GART: variants seen among roughly 807,000 people sequenced by gnomAD.
GART encodes phosphoribosylglycinamide formyltransferase, phosphoribosylglycinamide synthetase, phosphoribosylaminoimidazole synthetase.
A neutral mutation model predicts 107.2 loss-of-function variants in GART; 43 were observed. The observed-to-expected ratio is 0.40, with a 90% confidence interval of 0.31 to 0.52. GART has a LOEUF of 0.52. GART is among the 20% of genes least tolerant of loss of function. The pLI, the probability that GART is intolerant of heterozygous loss-of-function variation, is 0.52. For synonymous variants in GART, 434 were observed against 427.0 expected, an observed-to-expected ratio of 1.02 and a Z score of -0.20; for missense variants, 1,107 against 1,206.5, an observed-to-expected ratio of 0.92 and a Z score of 1.22.
rs1205884801 is a variant in GART at position 33,533,456 on chromosome 21, TA to T, written c.417-1001del. ...CGAGACTCAAAAAAAAAAAAATAAA[TA>T]AATAAATAAAAATAAAAATAAATAA... On this transcript the variant is annotated intron_variant, in intron 4 of 21. Transcript: ENST00000381815. Among the ~76,000 whole-genome samples, 13 of 145,872 alleles carry T rather than the reference TA, an allele frequency of 8.9e-5. No homozygotes were observed. The East Asian group carries it at 2.2e-3, about 25-fold the overall frequency.
chr21:33,524,587 G>GT (rs2085033641), intron 11 of GART, 182 bp downstream of exon 11: 3 of 1,083,768 alleles, frequency 2.8e-6, no homozygotes, highest in Middle Eastern at 3.4e-4. Context: ...CTATCATGAA[G>GT]TTTTTTCCAT....
intron 12 of GART, 61 bp downstream of exon 12, chr21:33,522,127 C>T: frequency 7.7e-7 from 1 of 1,292,206 alleles, no homozygotes; most frequent in Non-Finnish European, 1.1e-6. Flanking sequence ...AAATATAAAA[C>T]CCAAATCCAT....
In GART at chr21:33,504,281, T is replaced by G; in HGVS notation, c.2876A>C (p.Glu959Ala). 1 of 1,614,182 alleles carries G rather than the reference T, an allele frequency of 6.2e-7. No individual in the cohort carries two copies. The highest frequency in any genetic ancestry group is 1.1e-5 in the South Asian group (1 of 91,082). Residue 959 changes from glutamate to alanine, a missense_variant, in exon 22 of 22, where the codon GAA becomes GCA. Transcript: ENST00000381815. ...ATCACCCCTCTTCACGGGAACAGCT[T>G]CTTGCAAAATAATCTGTCCAGCATC... ...DVDAGQIILQEAVPVKRGDTV... is the reference protein window; with the variant it reads ...DVDAGQIILQAAVPVKRGDTV...
chr21:33,515,403 A>G (rs1237697685), intron 16 of GART, among the ~76,000 whole-genome samples: 1 of 152,180 alleles, frequency 6.6e-6, no homozygotes, highest in Non-Finnish European at 1.5e-5. Flanking sequence ...GCACTTTGGG[A>G]GGCCAAGGCG....
chr21:33,507,781 G>T (rs957608206), intron 18 of GART, among the ~76,000 whole-genome samples: 1 of 152,126 alleles, frequency 6.6e-6, no homozygotes, highest in Non-Finnish European at 1.5e-5. Context: ...GCAGTGAGCC[G>T]AGTCTGCGCC....
At chr21:33,509,645 T>C in intron 18 of GART, 138 bp downstream of exon 18, 3 of 804,078 alleles carry the variant, frequency 3.7e-6, no homozygotes, top group Non-Finnish European at 5.5e-6. Flanking sequence ...CTAAGAATGC[T>C]GAAAAGACAA....
chr21:33,521,631 CAAAAAA>C (rs571421187), intron 12 of GART, among the ~76,000 whole-genome samples: 2 of 54,442 alleles, frequency 3.7e-5, no homozygotes, highest in South Asian at 1.3e-3. Context: ...GACTTTGTCT[CAAAAAA>C]AAAAAAAAAA....
chr21:33,535,855 C>T (rs1403598010), intron 2 of GART, among the ~76,000 whole-genome samples: 3 of 152,032 alleles, frequency 2.0e-5, no homozygotes, highest in Non-Finnish European at 4.4e-5. Context: ...TGATGAAACC[C>T]CGTCTCTACT....
At chr21:33,518,525 A>G (rs1325429697) in intron 14 of GART, 1 of 188,580 alleles carries the variant, frequency 5.3e-6, no homozygotes, top group Non-Finnish European at 1.1e-5. Flanking sequence ...AAAAACTGAA[A>G]AGAGCTGCAG....
intron 3 of GART, 95 bp from the exon 4 acceptor site, chr21:33,534,848 G>T: frequency 1.8e-6 from 2 of 1,086,498 alleles, no homozygotes; most frequent in South Asian, 1.8e-5. Flanking sequence ...TCTACATCTA[G>T]ACAAGGCAGA....
chr21:33,522,395 T>A, intron 11 of GART, 113 bp from the exon 12 acceptor site: 1 of 774,458 alleles, frequency 1.3e-6, no homozygotes, highest in Non-Finnish European at 2.1e-6. Flanking sequence ...CCTAAAGTGC[T>A]TAAATTTTTT....
chr21:33,504,641 G>A lies in GART; in HGVS notation c.2726-114C>T, dbSNP rs376501011. On this transcript the variant is annotated intron_variant, in intron 20 of 21. Transcript: ENST00000381815. ...CAAACAGGAGTTGGATTTCTGGGAT[G>A]GATGTTTTCTTTGCCAAACACAGAA... 9.8e-4 allele frequency: 712 copies of A among 726,582 alleles called. 10 individuals are homozygous for A. In the South Asian group the frequency reaches 0.013, roughly 13 times the overall value. The allele number at this position is 726,582 out of a possible 1,614,324, so 45.0% of individuals were successfully genotyped here.
At chr21:33,519,313 GGAGGCC>G (rs1054433894) in intron 14 of GART, among the ~76,000 whole-genome samples, 30 of 152,242 alleles carry the variant, frequency 2.0e-4, no homozygotes, top group African/African-American at 6.3e-4. Flanking sequence ...CAGCACTTTG[GGAGGCC>G]GAGGCAGGCA....
rs771308370 is a variant in GART at position 33,524,828 on chromosome 21, C to T, written c.1239G>A (p.Glu413=). The T allele has an allele frequency of 5.4e-5, 87 of 1,614,100 alleles. No individual in the cohort carries two copies. The highest frequency in any genetic ancestry group is 6.9e-5 in the Non-Finnish European group (82 of 1,180,042). The change falls in exon 11 of 22, where the codon GAG becomes GAA. Residue 413 remains glutamate (E), a synonymous_variant. Transcript: ENST00000381815. ...AKKGLAAIKF[E]GAIYRKDVGF... ...CGACGTCTTTCCTATAAATTGCTCC[C>T]TCAAACTTTATAGCAGCTAGTCCTT...
intron 10 of GART, among the ~76,000 whole-genome samples, chr21:33,525,869 CTTT>C (rs35893472): frequency 3.0e-5 from 4 of 135,006 alleles, no homozygotes; most frequent in Admixed American, 7.5e-5. Flanking sequence ...AGGGAACTTC[CTTT>C]TTTTTTTTTT....
chr21:33,529,095 T>C (rs2085133114), intron 7 of GART, among the ~76,000 whole-genome samples, 158 bp from the exon 8 acceptor site: 1 of 152,202 alleles, frequency 6.6e-6, no homozygotes, highest in African/African-American at 2.4e-5. Context: ...ACTTTCTCAA[T>C]CCTCACAATG....
chr21:33,525,084 C>CCT, intron 10 of GART, 84 bp from the exon 11 acceptor site: 1 of 1,364,300 alleles, frequency 7.3e-7, no homozygotes. Context: ...CCACAAGTTT[C>CCT]TTTTTTTTTT....
Position 33,520,390 on chromosome 21 carries a change from C to A in GART, c.1676G>T (p.Cys559Phe). ...EAVVAGIAKA[C>F]GKAGCALLGG... is the part of the protein sequence containing the mutation. ...AAGGAGAGCACATCCAGCTTTTCCA[C>A]AAGCTTTAGCAATTCCAGCAACAAC... Residue 559 changes from cysteine to phenylalanine, a missense_variant, in exon 14 of 22, where the codon TGT becomes TTT. Cys to Phe is a radical substitution (Grantham distance 205, BLOSUM62 -2). Transcript: ENST00000381815. 2 of 1,614,146 alleles carry A rather than the reference C, an allele frequency of 1.2e-6. No homozygotes were observed. The highest frequency in any genetic ancestry group is 1.7e-6 in the Non-Finnish European group (2 of 1,180,010).
In GART at chr21:33,504,083, T is replaced by C. The variant is rs994079528; in HGVS notation, c.*41A>G. ...AAAAAACCACCATGCAAACAGCAAA[T>C]AATTCTTTCTAAACTGGCCCCATTT... On this transcript the variant is annotated 3_prime_UTR_variant, in exon 22 of 22. Coordinates refer to ENST00000381815, the MANE Select transcript of GART (RefSeq NM_000819.5). 1 of 1,537,334 alleles carries C rather than the reference T, an allele frequency of 6.5e-7. No individual in the cohort carries two copies. The highest frequency in any genetic ancestry group is 8.8e-7 in the Non-Finnish European group (1 of 1,139,482).
Sources: gnomAD v4.1 joint callset for allele counts (sites outside exome capture counted in the v4.1 genomes callset) on GRCh38, gnomAD v4.1.1 for gene constraint, MANE v1.5 for transcripts, NCBI Gene and HGNC (gene_info 2026-07-23, HGNC 2026-07-21) for gene names.